TAFA2: variants seen among roughly 807,000 people sequenced by gnomAD.
TAFA2 encodes the protein TAFA chemokine like family member 2, also known as chemokine-like protein TAFA-2.
TAFA2 carries 7 observed loss-of-function variants against 18.8 expected under a neutral mutation model. The ratio of observed to expected loss-of-function variants is 0.37; its 90% CI spans 0.21 to 0.70. TAFA2 has a LOEUF of 0.70. Among genes scored for constraint, TAFA2 ranks in the 30% least tolerant of loss-of-function variants. The pLI is 0.53. For synonymous variants in TAFA2, 60 were observed against 54.2 expected, an observed-to-expected ratio of 1.11 and a Z score of -0.47; for missense variants, 122 against 158.1, an observed-to-expected ratio of 0.77 and a Z score of 1.23.
intron 1 of TAFA2, among the ~76,000 whole-genome samples, chr12:61,932,675 C>T (rs1190836943): frequency 1.3e-5 from 2 of 152,080 alleles, no homozygotes; most frequent in Admixed American, 6.5e-5. Context: ...CTCTTGACCT[C>T]GTGATCTGTC....
intron 1 of TAFA2, among the ~76,000 whole-genome samples, chr12:61,897,812 C>A (rs971071839): frequency 6.6e-6 from 1 of 152,172 alleles, no homozygotes; most frequent in African/African-American, 2.4e-5. Flanking sequence ...ACCTATCATG[C>A]CTTCCCAACA....
chr12:62,221,028 C>T (rs1468794821), intron 1 of TAFA2, among the ~76,000 whole-genome samples: 2 of 151,570 alleles, frequency 1.3e-5, no homozygotes, highest in East Asian at 2.0e-4. Context: ...GGCATGAACC[C>T]GGGAGGCGGA....
chr12:62,241,198 T>C (rs926163196), intron 1 of TAFA2, among the ~76,000 whole-genome samples: 3 of 152,164 alleles, frequency 2.0e-5, no homozygotes, highest in African/African-American at 7.2e-5. Context: ...ATGAGGAGAG[T>C]TGCAGACCCA....
At chr12:62,007,624 A>G (rs1030766164) in intron 1 of TAFA2, among the ~76,000 whole-genome samples, 1 of 152,208 alleles carries the variant, frequency 6.6e-6, no homozygotes. Flanking sequence ...AAGATAGCTC[A>G]TCTTGAAAAA....
At chr12:61,726,349 A>G (rs1023163339) in intron 4 of TAFA2, among the ~76,000 whole-genome samples, 4 of 151,970 alleles carry the variant, frequency 2.6e-5, no homozygotes, top group Admixed American at 2.6e-4. Context: ...CACAATATTG[A>G]TTCTACCCAT....
At chr12:62,134,846 C>A (rs1200310074) in intron 1 of TAFA2, among the ~76,000 whole-genome samples, 1 of 151,916 alleles carries the variant, frequency 6.6e-6, no homozygotes, top group East Asian at 1.9e-4. Context: ...TATTTTAATT[C>A]CTCAAGCTGC....
intron 1 of TAFA2, among the ~76,000 whole-genome samples, chr12:61,966,184 T>C (rs1879059111): frequency 6.6e-6 from 1 of 151,862 alleles, no homozygotes; most frequent in Non-Finnish European, 1.5e-5. Context: ...TGTGCTGCTA[T>C]AAAAAAATGT....
intron 2 of TAFA2, among the ~76,000 whole-genome samples, chr12:61,785,776 C>T (rs1447861435): frequency 1.3e-5 from 2 of 151,522 alleles, no homozygotes; most frequent in African/African-American, 4.8e-5. Flanking sequence ...CTATGATGTT[C>T]ACATGACAAA....
chr12:62,118,768 G>A (rs530034464), intron 1 of TAFA2, among the ~76,000 whole-genome samples: 27 of 152,070 alleles, frequency 1.8e-4, no homozygotes, highest in African/African-American at 5.3e-4. Flanking sequence ...AGTCATATGA[G>A]TTTTCTCTTC....
chr12:61,724,630 T>C (rs542870387), intron 4 of TAFA2, among the ~76,000 whole-genome samples: 99 of 152,178 alleles, frequency 6.5e-4, no homozygotes, highest in African/African-American at 2.3e-3. Context: ...AGTGAGAACA[T>C]ACAATGTTTG....
chr12:61,804,736 C>A (rs1475343451), intron 2 of TAFA2, among the ~76,000 whole-genome samples: 2 of 152,076 alleles, frequency 1.3e-5, no homozygotes, highest in Admixed American at 1.3e-4. Context: ...CACTTTATAC[C>A]CATTATCTCA....
At chr12:61,798,929 T>C (rs1445471075) in intron 2 of TAFA2, among the ~76,000 whole-genome samples, 1 of 152,240 alleles carries the variant, frequency 6.6e-6, no homozygotes, top group African/African-American at 2.4e-5. Flanking sequence ...ATTTTAATTC[T>C]CTATTTTTCC....
intron 1 of TAFA2, among the ~76,000 whole-genome samples, chr12:61,950,553 A>C (rs1878430643): frequency 6.6e-6 from 1 of 152,076 alleles, no homozygotes; most frequent in Non-Finnish European, 1.5e-5. Context: ...GGCCATTTGT[A>C]TATCATCTTT....
intron 1 of TAFA2, among the ~76,000 whole-genome samples, chr12:61,946,092 C>T (rs1403295058): frequency 6.9e-6 from 1 of 143,934 alleles, no homozygotes; most frequent in Non-Finnish European, 1.5e-5. Context: ...CAGCATGGTA[C>T]TGGTACCAAA....
chr12:62,198,925 T>C (rs1310367051), intron 1 of TAFA2, among the ~76,000 whole-genome samples: 1 of 152,212 alleles, frequency 6.6e-6, no homozygotes, highest in Non-Finnish European at 1.5e-5. Context: ...CAAAGTGATG[T>C]GAGAAACAAC....
intron 2 of TAFA2, among the ~76,000 whole-genome samples, chr12:61,807,590 G>C (rs1000072347): frequency 6.6e-6 from 1 of 151,282 alleles, no homozygotes; most frequent in African/African-American, 2.5e-5. Context: ...CTGATAACTT[G>C]CACTGTGCAC....
intron 1 of TAFA2, among the ~76,000 whole-genome samples, chr12:61,884,771 G>A (rs1389556439): frequency 6.6e-6 from 1 of 152,080 alleles, no homozygotes; most frequent in Non-Finnish European, 1.5e-5. Context: ...CAATATGTTT[G>A]TACTATGATG....
intron 1 of TAFA2, among the ~76,000 whole-genome samples, chr12:61,891,101 A>G (rs1037642380): frequency 2.0e-5 from 3 of 152,224 alleles, no homozygotes; most frequent in African/African-American, 7.2e-5. Context: ...TCCTTCCATC[A>G]TGTAATTTAT....
At chr12:61,798,245 A>C (rs1265947458) in intron 2 of TAFA2, among the ~76,000 whole-genome samples, 2 of 152,156 alleles carry the variant, frequency 1.3e-5, no homozygotes, top group African/African-American at 4.8e-5. Flanking sequence ...TATAATTACA[A>C]AATCATTTCT....
Sources: allele counts gnomAD v4.1 joint callset (sites outside exome capture counted in the v4.1 genomes callset), GRCh38; gene constraint gnomAD v4.1.1; transcripts MANE v1.5; gene names NCBI Gene and HGNC (gene_info 2026-07-23, HGNC 2026-07-21).